GALNT3: variants seen among roughly 807,000 people sequenced by gnomAD.
GALNT3 encodes the protein polypeptide N-acetylgalactosaminyltransferase 3.
In GALNT3, 51 loss-of-function variants were observed where a neutral mutation model predicts 69.8. The observed-to-expected ratio is 0.73, with a 90% CI of 0.58 to 0.92. GALNT3 has a LOEUF of 0.92. GALNT3 is among the 40% of genes least tolerant of loss of function. The pLI, the probability that GALNT3 is intolerant of heterozygous loss-of-function variation, is 0.00. For missense variants in GALNT3, 711 were observed against 760.0 expected (o/e 0.94, Z 0.76); for synonymous variants, 265 against 248.5 (o/e 1.07, Z -0.63).
At chr2:165,775,586 G>C (rs1156499424) in intron 1 of GALNT3, among the ~76,000 whole-genome samples, 1 of 152,044 alleles carries the variant, frequency 6.6e-6, no homozygotes, top group Non-Finnish European at 1.5e-5. Context: ...GCAATATTAG[G>C]CTTCCATTAA....
chr2:165,750,524 T>C (rs115927787), intron 9 of GALNT3, among the ~76,000 whole-genome samples: 251 of 152,296 alleles, frequency 1.6e-3, no homozygotes, highest in Middle Eastern at 6.8e-3. Context: ...TAACATCCCA[T>C]CCATTCTCAC....
At chr2:165,786,574 T>G (rs1357617036) in intron 1 of GALNT3, among the ~76,000 whole-genome samples, 1 of 152,252 alleles carries the variant, frequency 6.6e-6, no homozygotes, top group East Asian at 1.9e-4. Context: ...GTAAATATTG[T>G]GTAAATAGTT....
chr2:165,764,122 T>C (rs1371331638), intron 3 of GALNT3, among the ~76,000 whole-genome samples: 1 of 152,198 alleles, frequency 6.6e-6, no homozygotes, highest in Non-Finnish European at 1.5e-5. Context: ...ATTTGTTAAA[T>C]TAGCCTTGTG....
chr2:165,782,255 T>G (rs973605435), intron 1 of GALNT3, among the ~76,000 whole-genome samples: 2 of 152,086 alleles, frequency 1.3e-5, no homozygotes, highest in African/African-American at 4.8e-5. Context: ...TATCACATGG[T>G]CCTCTCTCTA....
At chr2:165,776,005 A>T (rs1187657150) in intron 1 of GALNT3, among the ~76,000 whole-genome samples, 2 of 152,172 alleles carry the variant, frequency 1.3e-5, no homozygotes, top group Non-Finnish European at 2.9e-5. Context: ...TTCCAAAAAG[A>T]CTCAGGGATT....
At position 165,794,152 on chromosome 2, in the gene GALNT3, T is replaced by TCCG. The variant is rs1482966021; in HGVS notation, c.-249_-247dup. ...AGTTGCGGCTCAGTAGAGCTCCTCCTCCGCCGCCGCCTCCTGCCTTCCCGC... is the reference window on the plus strand; with the variant it reads ...AGTTGCGGCTCAGTAGAGCTCCTCCTCCGCCGCCGCCGCCTCCTGCCTTCCCGC... On this transcript the variant is annotated 5_prime_UTR_variant, in exon 1 of 11. Transcript: ENST00000392701. The TCCG allele has an allele frequency of 6.6e-6, 1 of 152,612 alleles. No homozygotes were observed. Among genetic ancestry groups the TCCG allele is most frequent in the African/African-American group, 2.4e-5 (1 of 41,444 alleles). The allele number at this position is 152,612 out of a possible 1,614,324, so 9.5% of individuals were successfully genotyped here.
intron 1 of GALNT3, among the ~76,000 whole-genome samples, chr2:165,790,833 T>TA (rs1324166039): frequency 6.6e-6 from 1 of 152,102 alleles, no homozygotes; most frequent in African/African-American, 2.4e-5. Context: ...TGTTTCATAG[T>TA]AAAAAAGAAA....
Position 165,748,665 on chromosome 2 carries a change from C to G in GALNT3, c.*116G>C, listed in dbSNP as rs1248180339. ...TAAAGATATAAATAAGAAAAATGCA[C>G]TTGGAATAAGTTACATTTAGCTGCT... On this transcript the variant is annotated 3_prime_UTR_variant, in exon 11 of 11. Transcript: ENST00000392701. 11 of 954,274 alleles carry G rather than the reference C, an allele frequency of 1.2e-5. No individual in the cohort carries two copies. In the African/African-American group the frequency reaches 1.5e-4, roughly 13 times the overall value. The allele number at this position is 954,274 out of a possible 1,614,324, so 59.1% of individuals were successfully genotyped here.
intron 9 of GALNT3, among the ~76,000 whole-genome samples, chr2:165,752,867 G>C (rs1212812501): frequency 6.6e-6 from 1 of 151,718 alleles, no homozygotes; most frequent in African/African-American, 2.4e-5. Context: ...ATATATGGAG[G>C]GTAAGAAAAT....
At chr2:165,767,869 C>CTTTTTTTTTTTTTTTTTTTTTTTTTT (rs34044047) in intron 2 of GALNT3, among the ~76,000 whole-genome samples, 2 of 82,464 alleles carry the variant, frequency 2.4e-5, no homozygotes, top group African/African-American at 5.1e-5. Flanking sequence ...AAAAACAAAT[C>CTTTTTTTTTTTTTTTTTTTTTTTTTT]TTTTTTTTTT....
At chr2:165,751,875 A>C (rs966733129) in intron 9 of GALNT3, among the ~76,000 whole-genome samples, 2 of 152,222 alleles carry the variant, frequency 1.3e-5, no homozygotes, top group Non-Finnish European at 2.9e-5. Context: ...CAGGGAACTA[A>C]AATTTGCAAA....
intron 1 of GALNT3, among the ~76,000 whole-genome samples, chr2:165,793,544 AG>A (rs1162683623): frequency 1.3e-5 from 2 of 152,338 alleles, no homozygotes; most frequent in Middle Eastern, 3.4e-3. Flanking sequence ...GTCCCCGGCT[AG>A]GAAAGTTGCC....
At chr2:165,783,168 AC>A (rs1683148809) in intron 1 of GALNT3, among the ~76,000 whole-genome samples, 1 of 152,180 alleles carries the variant, frequency 6.6e-6, no homozygotes, top group South Asian at 2.1e-4. Context: ...TCAATGGTCT[AC>A]AAAGGAGAGC....
chr2:165,772,917 A>G (rs764072059), intron 1 of GALNT3, among the ~76,000 whole-genome samples: 4 of 152,174 alleles, frequency 2.6e-5, no homozygotes, highest in Non-Finnish European at 5.9e-5. Flanking sequence ...AAATAGATGG[A>G]ATGGAGAGGA....
intron 1 of GALNT3, among the ~76,000 whole-genome samples, chr2:165,772,461 T>C (rs1029528906): frequency 2.0e-5 from 3 of 151,780 alleles, no homozygotes; most frequent in Non-Finnish European, 4.4e-5. Flanking sequence ...GGTGCACGCC[T>C]GTAGTCCCAG....
chr2:165,761,763 T>C (rs1688552782), intron 4 of GALNT3, 142 bp downstream of exon 4: 1 of 869,848 alleles, frequency 1.1e-6, no homozygotes, highest in Non-Finnish European at 2.0e-6. Context: ...CTGCTTGGGC[T>C]GTCATTGCTA....
chr2:165,752,738 C>G (rs1388663213), intron 9 of GALNT3, among the ~76,000 whole-genome samples: 6 of 152,146 alleles, frequency 3.9e-5, no homozygotes, highest in African/African-American at 1.4e-4. Flanking sequence ...TTTACATTTA[C>G]TAGTAAGATT....
chr2:165,765,928 T>C (rs971207746), intron 2 of GALNT3, among the ~76,000 whole-genome samples: 5 of 152,208 alleles, frequency 3.3e-5, no homozygotes, highest in South Asian at 2.1e-4. Flanking sequence ...AATAGCTTTA[T>C]TGTAAAACCT....
At chr2:165,752,913 CAT>C (rs1688379100) in intron 9 of GALNT3, among the ~76,000 whole-genome samples, 1 of 152,088 alleles carries the variant, frequency 6.6e-6, no homozygotes, top group Admixed American at 6.5e-5. Context: ...TGCACATACA[CAT>C]ATATGTACAG....
Sources: allele counts gnomAD v4.1 joint callset (sites outside exome capture counted in the v4.1 genomes callset), GRCh38; gene constraint gnomAD v4.1.1; transcripts MANE v1.5; gene names NCBI Gene and HGNC (gene_info 2026-07-23, HGNC 2026-07-21).